Variants in ROBO1 observed in about 807,000 individuals in gnomAD.
ROBO1 encodes roundabout homolog 1.
A neutral mutation model predicts 195.9 loss-of-function variants in ROBO1; 149 were observed. The observed-to-expected ratio is 0.76, with a 90% CI of 0.67 to 0.87. The LOEUF (loss-of-function observed/expected upper bound fraction) is 0.87, where lower values mean the gene tolerates loss of function less well. Among genes scored for constraint, ROBO1 ranks in the 40% least tolerant of loss-of-function variants. The pLI is 0.00. For missense variants in ROBO1, 1,933 were observed against 2,068.3 expected (o/e 0.93, Z 1.27); for synonymous variants, 816 against 733.2 (o/e 1.11, Z -1.82).
intron 1 of ROBO1, among the ~76,000 whole-genome samples, chr3:79,731,072 C>T (rs2107354039): frequency 6.6e-6 from 1 of 152,214 alleles, no homozygotes; most frequent in Admixed American, 6.5e-5. Flanking sequence ...TTTTAGTCAG[C>T]AAACTTGCTA....
intron 4 of ROBO1, among the ~76,000 whole-genome samples, chr3:78,781,893 C>T (rs944641280): frequency 5.9e-5 from 9 of 151,982 alleles, no homozygotes; most frequent in African/African-American, 1.9e-4. Context: ...AAAACATTTA[C>T]AAAAGTTGTA....
At chr3:79,151,661 C>A (rs1291705045) in intron 2 of ROBO1, among the ~76,000 whole-genome samples, 1 of 151,782 alleles carries the variant, frequency 6.6e-6, no homozygotes, top group Non-Finnish European at 1.5e-5. Flanking sequence ...ATGAAATTTT[C>A]TTCTCCTGGC....
At chr3:78,703,312 C>T (rs906931375) in intron 8 of ROBO1, among the ~76,000 whole-genome samples, 5 of 152,228 alleles carry the variant, frequency 3.3e-5, no homozygotes, top group African/African-American at 7.2e-5. Context: ...ATCTTATTTA[C>T]GCCACTGGAT....
At chr3:78,766,427 T>G (rs1440688903) in intron 4 of ROBO1, among the ~76,000 whole-genome samples, 1 of 152,170 alleles carries the variant, frequency 6.6e-6, no homozygotes, top group Non-Finnish European at 1.5e-5. Context: ...TGGTCGCTGT[T>G]GGTGTATAGA....
chr3:79,020,724 A>G (rs896121503), intron 3 of ROBO1, among the ~76,000 whole-genome samples: 10 of 152,086 alleles, frequency 6.6e-5, no homozygotes, highest in Non-Finnish European at 1.2e-4. Flanking sequence ...AAAAAGACAC[A>G]CTATGTGAAA....
intron 1 of ROBO1, among the ~76,000 whole-genome samples, chr3:79,732,244 G>A (rs1295866764): frequency 6.6e-6 from 1 of 151,888 alleles, no homozygotes; most frequent in Admixed American, 6.6e-5. Context: ...ATGAAGTCAA[G>A]TGTTGATAAA....
chr3:78,858,323 C>T (rs2034575224), intron 4 of ROBO1, among the ~76,000 whole-genome samples: 1 of 152,102 alleles, frequency 6.6e-6, no homozygotes, highest in South Asian at 2.1e-4. Context: ...TTCACCAGGA[C>T]CAAAGGCAGA....
At chr3:79,562,277 C>G (rs1462558509) in intron 2 of ROBO1, among the ~76,000 whole-genome samples, 1 of 151,280 alleles carries the variant, frequency 6.6e-6, no homozygotes, top group Non-Finnish European at 1.5e-5. Context: ...ACACTATGTG[C>G]ACACACACAC....
At chr3:79,628,108 A>G (rs1945232820) in intron 1 of ROBO1, among the ~76,000 whole-genome samples, 1 of 152,168 alleles carries the variant, frequency 6.6e-6, no homozygotes, top group African/African-American at 2.4e-5. Flanking sequence ...CAGAAATACC[A>G]TTTGACCCAG....
intron 4 of ROBO1, among the ~76,000 whole-genome samples, chr3:78,937,356 A>G (rs565695411): frequency 3.9e-5 from 6 of 152,034 alleles, no homozygotes; most frequent in Admixed American, 1.3e-4. Context: ...TTATATAATT[A>G]AAATTTTGAA....
At chr3:79,433,804 C>T (rs1383997423) in intron 2 of ROBO1, among the ~76,000 whole-genome samples, 1 of 152,146 alleles carries the variant, frequency 6.6e-6, no homozygotes, top group Non-Finnish European at 1.5e-5. Flanking sequence ...TCAAACTATA[C>T]TACAAGGCTA....
chr3:78,859,793 C>T (rs763105465), intron 4 of ROBO1, among the ~76,000 whole-genome samples: 40 of 152,046 alleles, frequency 2.6e-4, no homozygotes, highest in Admixed American at 6.5e-4. Context: ...TTCAAAGAAA[C>T]AGGGGGAGCC....
At chr3:79,415,910 A>G (rs2037980784) in intron 2 of ROBO1, among the ~76,000 whole-genome samples, 1 of 152,118 alleles carries the variant, frequency 6.6e-6, no homozygotes, top group Non-Finnish European at 1.5e-5. Flanking sequence ...GGTTTCTGGG[A>G]TAAACATTTA....
chr3:78,639,511 G>T lies in ROBO1; in HGVS notation c.3037+233C>A, dbSNP rs575990388. On this transcript the variant is annotated intron_variant, in intron 22 of 30. Transcript: ENST00000464233. ...TTTTTCCTACTTGCTATTGATTGTA[G>T]AATTTATCTTCCCAATTCTCTGGGC... Among the ~76,000 whole-genome samples the T allele has an allele frequency of 2.6e-5, 4 of 152,274 alleles. No homozygotes were observed. The South Asian group carries it at 8.3e-4, about 32-fold the overall frequency.
intron 3 of ROBO1, chr3:79,019,075 C>T (rs978480662): frequency 1.1e-5 from 11 of 989,718 alleles, no homozygotes; most frequent in Non-Finnish European, 1.3e-5. Context: ...GCGACAGCGG[C>T]TGCCTGGGCG....
intron 1 of ROBO1, among the ~76,000 whole-genome samples, chr3:79,702,946 G>C (rs1298106788): frequency 6.6e-6 from 1 of 151,888 alleles, no homozygotes; most frequent in East Asian, 1.9e-4. Context: ...GCCTAAAGCA[G>C]ATCAACCAGG....
chr3:79,435,735 T>C (rs765480605), intron 2 of ROBO1, among the ~76,000 whole-genome samples: 9 of 152,164 alleles, frequency 5.9e-5, no homozygotes, highest in Non-Finnish European at 1.2e-4. Flanking sequence ...TTTTCTGACA[T>C]TGGGTATTCT....
intron 3 of ROBO1, among the ~76,000 whole-genome samples, chr3:78,991,620 G>A (rs982195441): frequency 6.6e-6 from 1 of 152,150 alleles, no homozygotes; most frequent in African/African-American, 2.4e-5. Flanking sequence ...CCTGACAGCT[G>A]GCTTCCTGGC....
rs150710953 is a variant in ROBO1, at chr3:78,953,492, CAAAG to C, written c.173-14569_173-14566del. On this transcript the variant is annotated intron_variant, in intron 3 of 30. Coordinates refer to ENST00000464233, the MANE Select transcript of ROBO1 (RefSeq NM_002941.4). ...TGAATTGTGTTAAGCATTGGCAGCACAAAGAAATATGAAATAGAATCCCTGATCT... is the reference window on the plus strand; with the variant it reads ...TGAATTGTGTTAAGCATTGGCAGCACAAATATGAAATAGAATCCCTGATCT... Among the ~76,000 whole-genome samples the C allele has an allele frequency of 1.4e-3, 212 of 151,916 alleles. 2 individuals are homozygous for C. The East Asian group carries it at 0.032, about 23-fold the overall frequency.
Sources: gnomAD v4.1 joint callset for allele counts (sites outside exome capture counted in the v4.1 genomes callset) on GRCh38, gnomAD v4.1.1 for gene constraint, MANE v1.5 for transcripts, NCBI Gene and HGNC (gene_info 2026-07-23, HGNC 2026-07-21) for gene names.